NDUFAF6: variants seen among roughly 807,000 people sequenced by gnomAD.
NDUFAF6 encodes the protein NADH:ubiquinone oxidoreductase complex assembly factor 6, also known as NADH dehydrogenase (ubiquinone) complex I, assembly factor 6.
NDUFAF6 carries 45 observed loss-of-function variants against 40.8 expected under a neutral mutation model. The ratio of observed to expected loss-of-function variants is 1.10; its 90% CI spans 0.87 to 1.42. The LOEUF (loss-of-function observed/expected upper bound fraction) is 1.42. NDUFAF6 is among the 40% of genes most tolerant of loss of function. The pLI, the probability that NDUFAF6 is intolerant of heterozygous loss-of-function variation, is 0.00. For missense variants in NDUFAF6, 435 were observed against 418.5 expected, an observed-to-expected ratio of 1.04 and a Z score of -0.34; for synonymous variants, 185 against 155.9, an observed-to-expected ratio of 1.19 and a Z score of -1.39.
intron 2 of NDUFAF6, among the ~76,000 whole-genome samples, chr8:95,006,811 C>T (rs1208263648): frequency 6.6e-6 from 1 of 151,208 alleles, no homozygotes; most frequent in Non-Finnish European, 1.5e-5. Context: ...GCCCAGGAGG[C>T]GGAGGAGGTT....
exon 10 of NDUFAF6, chr8:95,076,071 C>T (rs1833012042): frequency 6.1e-6 from 1 of 164,796 alleles, no homozygotes; most frequent in Admixed American, 6.1e-5. Flanking sequence ...CATGAGGTCT[C>T]AATGGTCTTT....
chr8:95,062,258 C>T (rs1471735131), downstream of NDUFAF6, among the ~76,000 whole-genome samples: 1 of 152,088 alleles, frequency 6.6e-6, no homozygotes, highest in Non-Finnish European at 1.5e-5. Flanking sequence ...CAAGTTACCC[C>T]AAACCTCTGT....
chr8:95,102,755 T>A (rs1809689513), intron 2 of NDUFAF6, among the ~76,000 whole-genome samples: 1 of 152,128 alleles, frequency 6.6e-6, no homozygotes, highest in Non-Finnish European at 1.5e-5. Flanking sequence ...GCAGCCATGC[T>A]CCCAGTGAAC....
upstream of NDUFAF6, among the ~76,000 whole-genome samples, chr8:94,953,955 T>G (rs1009545911): frequency 2.0e-5 from 3 of 152,248 alleles, no homozygotes; most frequent in Admixed American, 6.5e-5. Flanking sequence ...CAAGGTTTTT[T>G]ATTTCTATAG....
At chr8:95,064,418 A>G (rs1832649928) in intron 9 of NDUFAF6, among the ~76,000 whole-genome samples, 4 of 152,172 alleles carry the variant, frequency 2.6e-5, no homozygotes. Flanking sequence ...ACTAACTCCC[A>G]TGTGTTCATT....
chr8:94,938,261 G>A (rs1372960677), intron 1 of NDUFAF6, among the ~76,000 whole-genome samples: 1 of 152,206 alleles, frequency 6.6e-6, no homozygotes, highest in Non-Finnish European at 1.5e-5. Context: ...ATGATGGATG[G>A]AATGAATTAC....
chr8:95,097,252 A>T (rs112209874), upstream of NDUFAF6, among the ~76,000 whole-genome samples: 1,731 of 152,370 alleles, frequency 0.011, 18 homozygotes, highest in Non-Finnish European at 0.018. Context: ...AACAAATGAA[A>T]TGAGACTAAG....
rs573739416 is a variant in NDUFAF6, at chr8:95,056,709, A to G, written c.874-1100A>G. ...ATCACGAGGTCAGGAGTTCAAGACT[A>G]GCCTGGCCAATGTGGTGAAACCCTG... On this transcript the variant is annotated intron_variant, in intron 8 of 8. Coordinates refer to ENST00000396124, the MANE Select transcript of NDUFAF6 (RefSeq NM_152416.4). 2.5e-3 allele frequency among the ~76,000 whole-genome samples: 380 copies of G among 152,056 alleles called. 4 individuals carry two copies. The highest frequency in any genetic ancestry group is 8.7e-3 in the African/African-American group (362 of 41,492).
At chr8:94,940,174 GTCC>G in intron 1 of NDUFAF6, 3 of 1,613,850 alleles carry the variant, frequency 1.9e-6, no homozygotes, top group East Asian at 4.5e-5. Context: ...CTTCACTGAT[GTCC>G]TCCTCTTCTT....
intron 1 of NDUFAF6, among the ~76,000 whole-genome samples, chr8:94,924,432 A>G (rs147320809): frequency 2.0e-5 from 3 of 152,350 alleles, no homozygotes; most frequent in Non-Finnish European, 4.4e-5. Context: ...CAACTAATCT[A>G]TGCATAGCAT....
rs1330270293 is a variant in NDUFAF6 at position 95,016,933 on chromosome 8, T to C, written c.-83-15062T>C. ...CTTCTCTTCTTCCTCCTCCTCCTCT[T>C]TTTTTTTTTTTTTTTTTTGAGACAG... On this transcript the variant is annotated intron_variant, in intron 2 of 9. Transcript: ENST00000396111. Among the ~76,000 whole-genome samples, 3 of 23,692 alleles carry C rather than the reference T, an allele frequency of 1.3e-4. No individual in the cohort carries two copies. The South Asian group carries it at 5.5e-3, about 44-fold the overall frequency. 15.5% of individuals were successfully genotyped at this position (23,692 alleles called of 152,430 possible).
At chr8:95,068,562 A>C (rs1338977987) in intron 9 of NDUFAF6, 1 of 151,864 alleles carries the variant, frequency 6.6e-6, no homozygotes, top group African/African-American at 2.4e-5. Context: ...CTGGGGTTTG[A>C]ATGTGGGCAG....
intron 2 of NDUFAF6, among the ~76,000 whole-genome samples, chr8:95,092,577 CCTT>C (rs1809291705): frequency 1.6e-5 from 2 of 126,978 alleles, no homozygotes; most frequent in African/African-American, 3.1e-5. Context: ...TCTCACGAAG[CCTT>C]TTTTTTTTTT....
chr8:95,079,568 T>C (rs760565188), downstream of NDUFAF6, among the ~76,000 whole-genome samples: 2 of 152,100 alleles, frequency 1.3e-5, no homozygotes, highest in Non-Finnish European at 2.9e-5. Context: ...TTGAAAACCA[T>C]TGAACTAAAG....
intron 1 of NDUFAF6, among the ~76,000 whole-genome samples, chr8:94,931,094 A>G (rs1195537931): frequency 6.6e-6 from 1 of 152,252 alleles, no homozygotes; most frequent in Non-Finnish European, 1.5e-5. Flanking sequence ...TTTTGCAAAT[A>G]TATATTTTAA....
chr8:95,058,499 CTTCT>C lies in NDUFAF6; in HGVS notation c.*565_*568del. The stretch of plus-strand genomic sequence containing the variant: ...AAATTTATCCATGATAATAACATAA[CTTCT>C]TTAAGGTTGGAGTGGCTGGCAAGAG... On this transcript the variant is annotated 3_prime_UTR_variant, in exon 9 of 9. Transcript: ENST00000396124. 1 of 1,226,982 alleles carries C rather than the reference CTTCT, an allele frequency of 8.2e-7. No homozygotes were observed. Among genetic ancestry groups the C allele is most frequent in the African/African-American group, 1.6e-5 (1 of 64,406 alleles). 76.0% of individuals were successfully genotyped at this position (1,226,982 alleles called of 1,614,324 possible). A position where few individuals can be genotyped will look rare whatever the true frequency, so the allele number is the denominator to read the frequency against.
chr8:95,070,223 C>T (rs187362270), intron 9 of NDUFAF6, among the ~76,000 whole-genome samples: 172 of 152,294 alleles, frequency 1.1e-3, no homozygotes, highest in Admixed American at 2.5e-3. Flanking sequence ...CATTTAACCT[C>T]TCCGTGCCTT....
intron 1 of NDUFAF6, among the ~76,000 whole-genome samples, chr8:94,943,147 G>A (rs562509689): frequency 1.3e-5 from 2 of 152,268 alleles, no homozygotes; most frequent in Admixed American, 6.5e-5. Context: ...TCTCAGCTAG[G>A]GGCATAGATT....
At chr8:94,911,995 A>C (rs1404281175) in intron 1 of NDUFAF6, among the ~76,000 whole-genome samples, 1 of 152,180 alleles carries the variant, frequency 6.6e-6, no homozygotes, top group Non-Finnish European at 1.5e-5. Context: ...ATTAGAGAGA[A>C]ATTAATTCAT....
Sources: allele counts gnomAD v4.1 joint callset (sites outside exome capture counted in the v4.1 genomes callset), GRCh38; gene constraint gnomAD v4.1.1; transcripts MANE v1.5; gene names NCBI Gene and HGNC (gene_info 2026-07-23, HGNC 2026-07-21).